Variants in ZFR observed in about 807,000 individuals in gnomAD.
ZFR encodes the protein zinc finger RNA-binding protein.
In ZFR, 19 loss-of-function variants were observed where a neutral mutation model predicts 130.7. The observed-to-expected ratio is 0.15, with a 90% CI of 0.10 to 0.21. The LOEUF is 0.21. ZFR is among the 10% of genes least tolerant of loss of function. The pLI is 1.00. For missense variants in ZFR, 872 were observed against 1,321.5 expected, an observed-to-expected ratio of 0.66 and a Z score of 5.27; for synonymous variants, 466 against 456.9, an observed-to-expected ratio of 1.02 and a Z score of -0.25.
intron 10 of ZFR, among the ~76,000 whole-genome samples, chr5:32,396,401 A>G (rs1304549508): frequency 6.6e-6 from 1 of 152,058 alleles, no homozygotes; most frequent in Non-Finnish European, 1.5e-5. Context: ...CTCCGTGTTT[A>G]AAACAGAAAA....
At chr5:32,359,342 A>T (rs1462470278) in intron 19 of ZFR, among the ~76,000 whole-genome samples, 5 of 151,714 alleles carry the variant, frequency 3.3e-5, no homozygotes, top group African/African-American at 1.2e-4. Context: ...AACTATCATT[A>T]GTGTCAGTGT....
At chr5:32,444,057 AGGCGGGGCGGGGCGG>A (rs375370062) in intron 2 of ZFR, among the ~76,000 whole-genome samples, 157 bp downstream of exon 2, 7 of 139,406 alleles carry the variant, frequency 5.0e-5, no homozygotes, top group Non-Finnish European at 7.8e-5. Flanking sequence ...GGGCCGGGCA[AGGCGGGGCGGGGCGG>A]GGCGGGGCGG....
intron 2 of ZFR, among the ~76,000 whole-genome samples, chr5:32,434,797 A>G (rs576738343): frequency 6.9e-6 from 1 of 145,832 alleles, no homozygotes; most frequent in Admixed American, 6.7e-5. Flanking sequence ...TAAGAAATAA[A>G]AGTCATGGAA....
At chr5:32,393,176 A>C (rs979106576) in intron 11 of ZFR, among the ~76,000 whole-genome samples, 4 of 152,178 alleles carry the variant, frequency 2.6e-5, no homozygotes, top group African/African-American at 9.7e-5. Flanking sequence ...CAAAAATGTA[A>C]AATAGCATAA....
At chr5:32,432,427 A>T (rs1754245717) in intron 2 of ZFR, among the ~76,000 whole-genome samples, 1 of 152,118 alleles carries the variant, frequency 6.6e-6, no homozygotes, top group Admixed American at 6.5e-5. Context: ...GTCTTTTCAT[A>T]CGCTTTTTGG....
chr5:32,434,418 T>C (rs1167336741), intron 2 of ZFR, among the ~76,000 whole-genome samples: 1 of 152,212 alleles, frequency 6.6e-6, no homozygotes. Context: ...TCTCCTTTGC[T>C]GGTATGGGCA....
chr5:32,385,377 T>C (rs1009184236), intron 15 of ZFR, 131 bp downstream of exon 15: 7 of 1,095,450 alleles, frequency 6.4e-6, no homozygotes, highest in Non-Finnish European at 9.0e-6. Flanking sequence ...AACCGGTTGC[T>C]AAATAAGTCA....
At chr5:32,361,011 A>C (rs1752420122) in intron 19 of ZFR, among the ~76,000 whole-genome samples, 2 of 152,162 alleles carry the variant, frequency 1.3e-5, no homozygotes, top group African/African-American at 4.8e-5. Context: ...AGATAAGGTT[A>C]TGCTATGTTG....
intron 14 of ZFR, among the ~76,000 whole-genome samples, chr5:32,386,669 A>G (rs1753053338): frequency 6.6e-6 from 1 of 152,130 alleles, no homozygotes; most frequent in African/African-American, 2.4e-5. Context: ...CTACAATAAA[A>G]AATTTCCCAT....
chr5:32,444,366 C>G, intron 1 of ZFR, 38 bp from the exon 2 acceptor site: 1 of 1,528,532 alleles, frequency 6.5e-7, no homozygotes, highest in Non-Finnish European at 8.8e-7. Context: ...CATGGCGGGA[C>G]AAGAGACACA....
chr5:32,417,431 T>C (rs577855914), intron 4 of ZFR, among the ~76,000 whole-genome samples: 2 of 152,324 alleles, frequency 1.3e-5, no homozygotes, highest in Admixed American at 1.3e-4. Context: ...AGGAATGGAC[T>C]GTGGGCTGAA....
At chr5:32,442,828 A>C (rs552978559) in intron 2 of ZFR, among the ~76,000 whole-genome samples, 1 of 152,334 alleles carries the variant, frequency 6.6e-6, no homozygotes, top group South Asian at 2.1e-4. Context: ...GTTTCAGCCC[A>C]AAAAGATAGT....
intron 19 of ZFR, among the ~76,000 whole-genome samples, chr5:32,361,682 G>A (rs991633220): frequency 6.8e-6 from 1 of 148,008 alleles, no homozygotes; most frequent in Non-Finnish European, 1.5e-5. Flanking sequence ...GCAATGGTGC[G>A]ATTTCGGCTC....
intron 9 of ZFR, among the ~76,000 whole-genome samples, chr5:32,397,822 T>A (rs1581696696): frequency 1.3e-5 from 2 of 149,062 alleles, no homozygotes; most frequent in Admixed American, 1.3e-4. Flanking sequence ...GCATGCAAGA[T>A]GTGATAGCAT....
At position 32,400,047 on chromosome 5, in the gene ZFR, T is replaced by A. The variant is rs1489041793; in HGVS notation, c.1673A>T (p.Gln558Leu). The change falls in exon 9 of 20, where the codon CAG (glutamine) becomes CTG (leucine). Residue 558 changes from glutamine (Q) to leucine (L), a missense_variant. Coordinates refer to ENST00000265069, the MANE Select transcript of ZFR (RefSeq NM_016107.5). ...ATGGCCCACTGGCTGCACATCACTCTGTAAAGCAGCAAGAGATGCAGGTGT... is the reference window on the plus strand; with the variant it reads ...ATGGCCCACTGGCTGCACATCACTCAGTAAAGCAGCAAGAGATGCAGGTGT... ...PVTPASLAAL[Q>L]SDVQPVGHDY... 1.2e-6 allele frequency: 2 copies of A among 1,612,922 alleles called. No homozygotes were observed. The highest frequency in any genetic ancestry group is 4.5e-5 in the East Asian group (2 of 44,848).
chr5:32,415,884 A>G (rs1753815810), intron 4 of ZFR, among the ~76,000 whole-genome samples: 1 of 151,894 alleles, frequency 6.6e-6, no homozygotes, highest in African/African-American at 2.4e-5. Context: ...ACTAAAGCAC[A>G]TAAATGTTAT....
intron 8 of ZFR, among the ~76,000 whole-genome samples, chr5:32,402,529 T>C (rs1213198943): frequency 4.6e-5 from 7 of 151,746 alleles, no homozygotes; most frequent in Non-Finnish European, 1.0e-4. Context: ...ACTTTGGAAG[T>C]TGAGGCAGGC....
chr5:32,369,143 A>C (rs1752606830), intron 17 of ZFR, among the ~76,000 whole-genome samples: 1 of 152,200 alleles, frequency 6.6e-6, no homozygotes, highest in South Asian at 2.1e-4. Context: ...CATACAGTTA[A>C]ATAGATGATT....
At chr5:32,430,525 T>C (rs1415994271) in intron 2 of ZFR, among the ~76,000 whole-genome samples, 1 of 151,974 alleles carries the variant, frequency 6.6e-6, no homozygotes, top group Admixed American at 6.6e-5. Flanking sequence ...AGAGAAAGAC[T>C]AGGAAAGAAT....
Sources: gnomAD v4.1 joint callset for allele counts (sites outside exome capture counted in the v4.1 genomes callset) on GRCh38, gnomAD v4.1.1 for gene constraint, MANE v1.5 for transcripts, NCBI Gene and HGNC (gene_info 2026-07-23, HGNC 2026-07-21) for gene names.